Variants in CHRM3 observed in about 807,000 individuals in gnomAD.
The protein encoded by CHRM3 is muscarinic acetylcholine receptor M3.
A neutral mutation model predicts 41.8 loss-of-function variants in CHRM3; 11 were observed. The observed-to-expected ratio is 0.26, with a 90% CI of 0.17 to 0.44. The LOEUF is 0.44. CHRM3 is among the 20% of genes least tolerant of loss of function. The probability of loss-of-function intolerance (pLI) is 1.00; values close to 1 mark genes in which losing one functional copy is unlikely to be tolerated. For missense variants in CHRM3, 571 were observed against 745.4 expected, an observed-to-expected ratio of 0.77 and a Z score of 2.72; for synonymous variants, 297 against 301.4, an observed-to-expected ratio of 0.99 and a Z score of 0.15.
At chr1:239,761,493 T>C (rs533795563) in intron 5 of CHRM3, among the ~76,000 whole-genome samples, 1 of 152,346 alleles carries the variant, frequency 6.6e-6, no homozygotes, top group South Asian at 2.1e-4. Flanking sequence ...GGTCGTAGAC[T>C]TTCTGTATTC....
Position 239,415,531 on chromosome 1 carries a change from A to G in CHRM3, c.-521+28304A>G, listed in dbSNP as rs182368171. 9.2e-5 allele frequency among the ~76,000 whole-genome samples: 14 copies of G among 152,332 alleles called. No individual in the cohort carries two copies. The East Asian group carries it at 2.7e-3, about 29-fold the overall frequency. Reference sequence around the variant, plus strand: ...GTCCAGAATAAAATATGAAAATAGGAAAATAAAGGGAACTTGAGGAAAATA... The same window carrying G: ...GTCCAGAATAAAATATGAAAATAGGGAAATAAAGGGAACTTGAGGAAAATA... On this transcript the variant is annotated intron_variant, in intron 1 of 6. Transcript: ENST00000676153.
chr1:239,604,054 A>G (rs77439024), intron 3 of CHRM3, among the ~76,000 whole-genome samples: 4,554 of 152,240 alleles, frequency 0.03, 246 homozygotes, highest in African/African-American at 0.1. Flanking sequence ...GTATTTACAA[A>G]TTAAAATACA....
chr1:239,533,516 A>G (rs1657867322), intron 2 of CHRM3, among the ~76,000 whole-genome samples: 1 of 151,482 alleles, frequency 6.6e-6, no homozygotes, highest in South Asian at 2.1e-4. Context: ...TGGGTGGATC[A>G]TCTAAGGTCA....
intron 1 of CHRM3, among the ~76,000 whole-genome samples, chr1:239,423,543 G>A (rs931210934): frequency 6.6e-6 from 1 of 152,072 alleles, no homozygotes; most frequent in Non-Finnish European, 1.5e-5. Context: ...GACATTAAAT[G>A]AAACAATTTA....
At chr1:239,440,826 A>T (rs1407916247) in intron 1 of CHRM3, among the ~76,000 whole-genome samples, 1 of 152,206 alleles carries the variant, frequency 6.6e-6, no homozygotes, top group East Asian at 1.9e-4. Flanking sequence ...GAACCTTATT[A>T]AATACATTCT....
At chr1:239,700,121 A>C (rs1245691263) in intron 5 of CHRM3, among the ~76,000 whole-genome samples, 1 of 152,182 alleles carries the variant, frequency 6.6e-6, no homozygotes, top group Non-Finnish European at 1.5e-5. Flanking sequence ...TAAAAGAAAT[A>C]CTAAGTAACA....
intron 5 of CHRM3, among the ~76,000 whole-genome samples, chr1:239,686,435 T>C (rs565216825): frequency 6.6e-6 from 1 of 152,304 alleles, no homozygotes; most frequent in Non-Finnish European, 1.5e-5. Flanking sequence ...AAATTGGTGT[T>C]CACCTTCAAG....
chr1:239,688,521 TATA>T lies in CHRM3; in HGVS notation c.-147+10237_-147+10239del, dbSNP rs538689902. Among the ~76,000 whole-genome samples the T allele has an allele frequency of 2.2e-3, 313 of 139,930 alleles. 2 individuals carry two copies. The highest frequency in any genetic ancestry group is 7.8e-3 in the African/African-American group (297 of 38,248). 91.8% of individuals were successfully genotyped at this position (139,930 alleles called of 152,430 possible). On this transcript the variant is annotated intron_variant, in intron 5 of 6. Coordinates refer to ENST00000676153, the MANE Select transcript of CHRM3 (RefSeq NM_001375978.1). ...TATATTATATATGTTTAATACAATATATAATATTTACATATATTCCCATTTATT... is the reference window on the plus strand; with the variant it reads ...TATATTATATATGTTTAATACAATATATATTTACATATATTCCCATTTATT...
At chr1:239,841,387 G>A (rs1033528021) in intron 6 of CHRM3, among the ~76,000 whole-genome samples, 6 of 152,102 alleles carry the variant, frequency 3.9e-5, no homozygotes, top group Admixed American at 1.3e-4. Flanking sequence ...AATTACGTTC[G>A]TTACCAATGA....
intron 6 of CHRM3, chr1:239,886,341 G>T (rs1678070560): frequency 6.6e-6 from 1 of 152,104 alleles, no homozygotes; most frequent in South Asian, 2.1e-4. Flanking sequence ...ACTGCTTTGG[G>T]TTATGTGCAC....
At chr1:239,723,550 A>G (rs1663167317) in intron 5 of CHRM3, among the ~76,000 whole-genome samples, 1 of 151,954 alleles carries the variant, frequency 6.6e-6, no homozygotes, top group Non-Finnish European at 1.5e-5. Flanking sequence ...CTATTACTAA[A>G]ATGTACTACT....
intron 2 of CHRM3, among the ~76,000 whole-genome samples, chr1:239,525,344 A>G (rs1005814559): frequency 1.7e-5 from 2 of 116,782 alleles, no homozygotes; most frequent in Non-Finnish European, 4.2e-5. Context: ...GTCCCCAAAA[A>G]AGAAAAAATC....
intron 4 of CHRM3, among the ~76,000 whole-genome samples, chr1:239,655,152 G>A (rs1452487768): frequency 2.6e-5 from 4 of 152,132 alleles, no homozygotes; most frequent in Admixed American, 6.5e-5. Flanking sequence ...TGAGACTTGT[G>A]GTAGTTTGCT....
intron 5 of CHRM3, among the ~76,000 whole-genome samples, chr1:239,702,478 G>A (rs970612152): frequency 3.3e-5 from 5 of 152,110 alleles, no homozygotes; most frequent in Non-Finnish European, 7.4e-5. Context: ...TGTAAGTCTA[G>A]GAAGGTAAGC....
rs542512638 is a variant in CHRM3 at position 239,802,427 on chromosome 1, T to A, written c.-146-24825T>A. Among the ~76,000 whole-genome samples, 180 of 152,284 alleles carry A rather than the reference T, an allele frequency of 1.2e-3. 1 individual carries two copies. Among genetic ancestry groups the A allele is most frequent in the Admixed American group, 2.2e-3 (34 of 15,294 alleles). On this transcript the variant is annotated intron_variant, in intron 5 of 6. Transcript: ENST00000676153. ...AGCTGAAAACATCAGAGTAAGGCTG[T>A]TCAAAACACCACTACCCCTGTGAGT... is the stretch of plus-strand genomic sequence containing the variant.
chr1:239,452,627 A>G (rs1012410019), intron 1 of CHRM3, among the ~76,000 whole-genome samples: 12 of 152,204 alleles, frequency 7.9e-5, no homozygotes, highest in African/African-American at 2.9e-4. Context: ...GAATTAATGA[A>G]TGTGTCAAAT....
At chr1:239,638,004 C>G (rs185021985) in intron 4 of CHRM3, among the ~76,000 whole-genome samples, 3,137 of 146,814 alleles carry the variant, frequency 0.021, 56 homozygotes, top group Non-Finnish European at 0.034. Context: ...TGAGTGAGAA[C>G]GTGCAGTGTT....
At chr1:239,619,206 C>T (rs912663134) in intron 3 of CHRM3, among the ~76,000 whole-genome samples, 1 of 152,036 alleles carries the variant, frequency 6.6e-6, no homozygotes, top group South Asian at 2.1e-4. Context: ...TGAGCCACTG[C>T]GCCTGACCTC....
chr1:239,534,755 A>G (rs1658031884), intron 2 of CHRM3, among the ~76,000 whole-genome samples: 1 of 152,256 alleles, frequency 6.6e-6, no homozygotes, highest in Admixed American at 6.5e-5. Context: ...CATAAGATTC[A>G]TACATGGAAC....
Sources: gnomAD v4.1 joint callset for allele counts (sites outside exome capture counted in the v4.1 genomes callset) on GRCh38, gnomAD v4.1.1 for gene constraint, MANE v1.5 for transcripts, NCBI Gene and HGNC (gene_info 2026-07-23, HGNC 2026-07-21) for gene names.